CNTN3: variants seen among roughly 807,000 people sequenced by gnomAD.
CNTN3 encodes contactin 3.
Under a neutral mutation model 119.1 loss-of-function variants are expected in CNTN3, and 60 were observed. That is an observed-to-expected ratio of 0.50 (90% CI 0.41 to 0.62). CNTN3 has a LOEUF of 0.62. Ranked by LOEUF, CNTN3 falls within the 20% of genes least tolerant of loss-of-function variation. The probability of loss-of-function intolerance (pLI) is 0.00; values close to 1 mark genes in which losing one functional copy is unlikely to be tolerated. For missense variants in CNTN3, 1,101 were observed against 1,242.4 expected, an observed-to-expected ratio of 0.89 and a Z score of 1.71; for synonymous variants, 450 against 438.7, an observed-to-expected ratio of 1.03 and a Z score of -0.32.
In CNTN3 at chr3:74,529,198, A is replaced by C. The variant is rs1363739188; in HGVS notation, c.-80-8006T>G. Among the ~76,000 whole-genome samples, 4 of 151,982 alleles carry C rather than the reference A, an allele frequency of 2.6e-5. No individual in the cohort carries two copies. The South Asian group carries it at 6.2e-4, about 24-fold the overall frequency. On this transcript the variant is annotated intron_variant, in intron 1 of 22. Transcript: ENST00000263665. ...AATATACAGTCTCTCAAAAATTTTA[A>C]ATATTCTTCAGTGTACATATATCTA...
intron 13 of CNTN3, among the ~76,000 whole-genome samples, chr3:74,322,411 T>A (rs930192381): frequency 1.3e-5 from 2 of 152,158 alleles, no homozygotes; most frequent in Non-Finnish European, 2.9e-5. Context: ...TTCAACATCA[T>A]ATTTCACTAG....
At chr3:74,527,975 T>C (rs1703643379) in intron 1 of CNTN3, among the ~76,000 whole-genome samples, 1 of 151,902 alleles carries the variant, frequency 6.6e-6, no homozygotes, top group African/African-American at 2.4e-5. Flanking sequence ...TTGGAACATT[T>C]TTTAAGTGTC....
intron 5 of CNTN3, among the ~76,000 whole-genome samples, chr3:74,380,907 G>A (rs114806989): frequency 0.022 from 3,367 of 152,018 alleles, 43 homozygotes; most frequent in African/African-American, 0.049. Context: ...CTTGCATTAC[G>A]GGTGATTTTT....
intron 18 of CNTN3, among the ~76,000 whole-genome samples, chr3:74,297,571 A>G (rs532579466): frequency 6.6e-6 from 1 of 152,180 alleles, no homozygotes; most frequent in Admixed American, 6.5e-5. Context: ...GTAAATCAGC[A>G]CTTTACATAA....
At chr3:74,550,357 G>T (rs1703972542) in intron 1 of CNTN3, among the ~76,000 whole-genome samples, 1 of 152,184 alleles carries the variant, frequency 6.6e-6, no homozygotes, top group Non-Finnish European at 1.5e-5. Context: ...GGTAGATAAA[G>T]AATAGGTATG....
intron 5 of CNTN3, among the ~76,000 whole-genome samples, chr3:74,405,828 T>C (rs1483066002): frequency 6.6e-6 from 1 of 152,108 alleles, no homozygotes; most frequent in East Asian, 1.9e-4. Flanking sequence ...CCATATTTAT[T>C]TGTAAATGTG....
At position 74,298,148 on chromosome 3, in the gene CNTN3, A is replaced by T. The variant is rs771199073; in HGVS notation, c.2210T>A (p.Val737Asp). The change falls in exon 18 of 23, where the codon GTT becomes GAT. Residue 737 changes from valine (V) to aspartate (D), a missense_variant. Physicochemically the swap from Val to Asp is radical, Grantham distance 152. Transcript: ENST00000263665. ...AACCCCAAGAGGGCGGAAAGCAACA[A>T]CATACCCAAAACCTTCACCATTCTG... ...ELQNGEGFGY[V>D]VAFRPLGVTT... 2 of 1,609,904 alleles carry T rather than the reference A, an allele frequency of 1.2e-6. No individual in the cohort carries two copies. The highest frequency in any genetic ancestry group is 3.4e-5 in the Admixed American group (2 of 59,686).
intron 13 of CNTN3, among the ~76,000 whole-genome samples, chr3:74,328,746 C>T (rs1703190164): frequency 1.3e-5 from 2 of 152,074 alleles, no homozygotes; most frequent in Admixed American, 1.3e-4. Flanking sequence ...GTGTATTACC[C>T]CCTTTTCCAG....
At chr3:74,325,178 A>G (rs74589669) in intron 13 of CNTN3, among the ~76,000 whole-genome samples, 1 of 152,020 alleles carries the variant, frequency 6.6e-6, no homozygotes, top group Non-Finnish European at 1.5e-5. Flanking sequence ...ATTTTGTTTT[A>G]TAACTTTTGA....
At chr3:74,454,904 T>A (rs7616738) in intron 4 of CNTN3, among the ~76,000 whole-genome samples, 78,442 of 151,948 alleles carry the variant, frequency 0.52, 20,732 homozygotes, top group Non-Finnish European at 0.57. Flanking sequence ...CTTCCCTTTG[T>A]GGGTAACCCG....
chr3:74,522,094 C>A (rs183104779), intron 1 of CNTN3, among the ~76,000 whole-genome samples: 1 of 151,860 alleles, frequency 6.6e-6, no homozygotes, highest in African/African-American at 2.4e-5. Flanking sequence ...TGGTTCCCAA[C>A]AATGGGTTCC....
intron 1 of CNTN3, among the ~76,000 whole-genome samples, chr3:74,578,514 C>A (rs1704453154): frequency 6.6e-6 from 1 of 151,948 alleles, no homozygotes; most frequent in African/African-American, 2.4e-5. Flanking sequence ...GTCCATTTTG[C>A]AAGTTCATTT....
At chr3:74,370,342 A>C (rs1704305162) in intron 6 of CNTN3, among the ~76,000 whole-genome samples, 2 of 152,146 alleles carry the variant, frequency 1.3e-5, no homozygotes, top group Non-Finnish European at 1.5e-5. Context: ...AGTTCCAAGA[A>C]AACCACTGAG....
In CNTN3 at chr3:74,476,306, T is replaced by C. The variant is rs138971411; in HGVS notation, c.358+10150A>G. 1.3e-3 allele frequency among the ~76,000 whole-genome samples: 191 copies of C among 152,280 alleles called. 2 individuals are homozygous for C. The highest frequency in any genetic ancestry group is 4.6e-3 in the East Asian group (24 of 5,170). On this transcript the variant is annotated intron_variant, in intron 4 of 22. Coordinates refer to ENST00000263665, the MANE Select transcript of CNTN3 (RefSeq NM_020872.3). ...TAATTCAGTGTTAGCAGTGACTTTA[T>C]AGAACCTAACTACCATGAGTAATGA...
intron 1 of CNTN3, among the ~76,000 whole-genome samples, chr3:74,536,109 C>A (rs762484993): frequency 3.4e-4 from 52 of 152,028 alleles, no homozygotes; most frequent in Non-Finnish European, 5.0e-4. Context: ...AAAAAGACAT[C>A]TCTGTTATGT....
intron 5 of CNTN3, among the ~76,000 whole-genome samples, chr3:74,404,791 TA>T (rs35976946): frequency 0.096 from 14,584 of 151,156 alleles, 1,637 homozygotes; most frequent in African/African-American, 0.27. Context: ...AAAGCAGTTA[TA>T]AAAAAAAATA....
intron 1 of CNTN3, among the ~76,000 whole-genome samples, chr3:74,530,248 G>A (rs934304649): frequency 6.6e-6 from 1 of 151,924 alleles, no homozygotes; most frequent in Non-Finnish European, 1.5e-5. Flanking sequence ...ATGCTCATGC[G>A]AAGTTTCCTG....
chr3:74,362,868 C>T (rs890930179), intron 10 of CNTN3, among the ~76,000 whole-genome samples: 10 of 152,096 alleles, frequency 6.6e-5, no homozygotes, highest in Admixed American at 3.3e-4. Context: ...AATCATATTA[C>T]GTAATTATAC....
intron 2 of CNTN3, among the ~76,000 whole-genome samples, chr3:74,508,166 G>A (rs934533753): frequency 2.6e-5 from 4 of 152,164 alleles, no homozygotes; most frequent in African/African-American, 9.7e-5. Context: ...CTGTTCTAGT[G>A]ATAGTGAGTG....
Sources: gnomAD v4.1 joint callset for allele counts (sites outside exome capture counted in the v4.1 genomes callset) on GRCh38, gnomAD v4.1.1 for gene constraint, MANE v1.5 for transcripts, NCBI Gene and HGNC (gene_info 2026-07-23, HGNC 2026-07-21) for gene names.